MROH2A: variants seen among roughly 807,000 people sequenced by gnomAD.
The protein encoded by MROH2A is maestro heat-like repeat-containing protein family member 2A.
Under a neutral mutation model 200.4 loss-of-function variants are expected in MROH2A, and 174 were observed. That is an observed-to-expected ratio of 0.87 (90% CI 0.77 to 0.98). The LOEUF is 0.98. Among genes scored for constraint, MROH2A ranks in the 50% least tolerant of loss-of-function variants. The pLI is 0.00. For synonymous variants in MROH2A, 829 were observed against 840.4 expected, an observed-to-expected ratio of 0.99 and a Z score of 0.23; for missense variants, 2,045 against 2,139.6, an observed-to-expected ratio of 0.96 and a Z score of 0.87.
At chr2:233,789,339 G>A (rs1305231955) in intron 3 of MROH2A, among the ~76,000 whole-genome samples, 158 bp from the exon 4 acceptor site, 3 of 152,170 alleles carry the variant, frequency 2.0e-5, no homozygotes, top group Non-Finnish European at 4.4e-5. Flanking sequence ...CAGGAGAAGC[G>A]AAGCAGGAGG....
intron 23 of MROH2A, among the ~76,000 whole-genome samples, 184 bp from the exon 24 acceptor site, chr2:233,811,696 G>A (rs1703166507): frequency 6.6e-6 from 1 of 152,226 alleles, no homozygotes; most frequent in African/African-American, 2.4e-5. Flanking sequence ...GGCCCACTTT[G>A]GGCCCTGCTC....
At chr2:233,777,388 G>C (rs1312895555), upstream of MROH2A, among the ~76,000 whole-genome samples, 2 of 152,220 alleles carry the variant, frequency 1.3e-5, no homozygotes, top group East Asian at 1.9e-4. Context: ...GGAAAAGAAG[G>C]CTCAGTGGGG....
At chr2:233,803,357 C>A in intron 15 of MROH2A, 91 bp from the exon 16 acceptor site, 1 of 1,396,198 alleles carries the variant, frequency 7.2e-7, no homozygotes, top group South Asian at 1.3e-5. Flanking sequence ...GGGGAGGAAC[C>A]TTCTAGGGTA....
At chr2:233,823,709 A>T in intron 35 of MROH2A, 45 bp downstream of exon 35, 2 of 1,537,810 alleles carry the variant, frequency 1.3e-6, no homozygotes, top group Non-Finnish European at 1.8e-6. Context: ...AGCGGAGGGG[A>T]TGGGGTCCCT....
chr2:233,807,995 G>A lies in MROH2A; in HGVS notation c.2295+140G>A. 8.8e-7 allele frequency: 1 copy of A among 1,137,000 alleles called. No individual in the cohort carries two copies. The highest frequency in any genetic ancestry group is 1.2e-6 in the Non-Finnish European group (1 of 800,246). 70.4% of individuals were successfully genotyped at this position (1,137,000 alleles called of 1,614,324 possible). A position where few individuals can be genotyped will look rare whatever the true frequency, so the allele number is the denominator to read the frequency against. The stretch of plus-strand genomic sequence containing the variant: ...CTGTCATCAAAATGGCTGAGACATT[G>A]TCTTACTCTGAGACCTCCTGGACAG... On this transcript the variant is annotated intron_variant, in intron 21 of 41. Transcript: ENST00000389758. The surrounding 1 kb of genome is among the most constrained non-coding windows in gnomAD (Gnocchi z 4.3).
chr2:233,793,535 G>T (rs554267022), intron 6 of MROH2A, 138 bp from the exon 7 acceptor site: 3 of 695,968 alleles, frequency 4.3e-6, no homozygotes, highest in East Asian at 6.8e-5. Context: ...AGGTGCTGTG[G>T]GGGGTTGGAA....
Position 233,804,074 on chromosome 2 carries a change from G to T in MROH2A, c.1773G>T (p.Lys591Asn). ...RLLVLMSSPY[K>N]GEGRGIAMLN... ...AGGTGCTGATGTCATCACCTTACAA[G>T]GGGGAGGGTCGTGGGATAGCCATGC... Residue 591 changes from lysine to asparagine, a missense_variant, in exon 17 of 42, where the codon AAG becomes AAT. This residue lies in a region of MROH2A where 831 missense variants were observed against 800.0 expected (regional missense o/e 1.04). Coordinates refer to ENST00000389758, the MANE Select transcript of MROH2A (RefSeq NM_001394639.1). 6.4e-7 allele frequency: 1 copy of T among 1,550,538 alleles called. No homozygotes were observed. The highest frequency in any genetic ancestry group is 1.2e-5 in the South Asian group (1 of 84,068).
At chr2:233,784,557 C>G (rs1701100357) in intron 3 of MROH2A, among the ~76,000 whole-genome samples, 2 of 152,096 alleles carry the variant, frequency 1.3e-5, no homozygotes, top group South Asian at 4.1e-4. Flanking sequence ...GTGTTCGGGT[C>G]ATGGGGGAAG....
In MROH2A at chr2:233,793,829, G is replaced by A; in HGVS notation, c.822+5G>A. ...CTGAGGCACTACAACCCCGAGGTGA[G>A]ATGCACCCCTCTTAGGAGGGCCTGG... On this transcript the variant is annotated splice_donor_5th_base_variant and intron_variant, in intron 7 of 41. Coordinates refer to ENST00000389758, the MANE Select transcript of MROH2A (RefSeq NM_001394639.1). The A allele has an allele frequency of 1.4e-6, 2 of 1,403,538 alleles. No homozygotes were observed. Among genetic ancestry groups the A allele is most frequent in the Non-Finnish European group, 1.9e-6 (2 of 1,074,516 alleles). The allele number at this position is 1,403,538 out of a possible 1,614,324, so 86.9% of individuals were successfully genotyped here. A position where few individuals can be genotyped will look rare whatever the true frequency, so the allele number is the denominator to read the frequency against.
intron 15 of MROH2A, 170 bp downstream of exon 15, chr2:233,802,485 A>T: frequency 1.4e-6 from 1 of 723,018 alleles, no homozygotes; most frequent in Non-Finnish European, 2.2e-6. Flanking sequence ...TGCCTACCTG[A>T]TCATATCTAG....
At chr2:233,804,442 T>A in intron 17 of MROH2A, 53 bp from the exon 18 acceptor site, 1 of 1,538,844 alleles carries the variant, frequency 6.5e-7, no homozygotes, top group South Asian at 1.2e-5. Context: ...ATACCAGGCT[T>A]AGGGGAGCAG....
Position 233,829,790 on chromosome 2 carries a change from G to T in MROH2A, c.4602+15G>T. ...ATGCAGCCCAAGTAAGATACATCCTGGGCTTTGTGTCCCAGTCTGGGGCCC... is the reference window on the plus strand; with the variant it reads ...ATGCAGCCCAAGTAAGATACATCCTTGGCTTTGTGTCCCAGTCTGGGGCCC... On this transcript the variant is annotated intron_variant, in intron 38 of 41. Transcript: ENST00000389758. 1 of 1,314,464 alleles carries T rather than the reference G, an allele frequency of 7.6e-7. No individual in the cohort carries two copies. Among genetic ancestry groups the T allele is most frequent in the Non-Finnish European group, 9.8e-7 (1 of 1,023,458 alleles). 81.4% of individuals were successfully genotyped at this position (1,314,464 alleles called of 1,614,324 possible). A position where few individuals can be genotyped will look rare whatever the true frequency, so the allele number is the denominator to read the frequency against.
intron 27 of MROH2A, among the ~76,000 whole-genome samples, chr2:233,817,758 C>G (rs558939150): frequency 2.1e-4 from 32 of 152,342 alleles, no homozygotes; most frequent in Non-Finnish European, 3.5e-4. Flanking sequence ...CTGAGCAGAG[C>G]TGAGTCAGAG....
intron 3 of MROH2A, among the ~76,000 whole-genome samples, chr2:233,786,986 C>T (rs183496612): frequency 2.0e-4 from 30 of 152,172 alleles, no homozygotes; most frequent in African/African-American, 6.7e-4. Flanking sequence ...TATCAGTTTT[C>T]TAGGATTTAA....
At chr2:233,800,877 C>T (rs1167670144) in intron 14 of MROH2A, among the ~76,000 whole-genome samples, 1 of 151,948 alleles carries the variant, frequency 6.6e-6, no homozygotes. Context: ...ATGAGAACAT[C>T]AAGGAGGGAA....
chr2:233,798,645 C>T (rs956960189), intron 11 of MROH2A, 129 bp from the exon 12 acceptor site: 2 of 676,882 alleles, frequency 3.0e-6, no homozygotes. Flanking sequence ...GCCAGGGAGG[C>T]TCCTAAGAAA....
chr2:233,823,079 G>A (rs916447202), intron 34 of MROH2A, 61 bp downstream of exon 34: 107 of 1,524,450 alleles, frequency 7.0e-5, no homozygotes, highest in Non-Finnish European at 8.6e-5. Context: ...TTGCTGGATG[G>A]AAGGGCTCCT....
rs1352818586 is a variant in MROH2A at position 233,802,252 on chromosome 2, C to A, written c.1645C>A (p.Leu549Met). The change falls in exon 15 of 42, where the codon CTG becomes ATG. Residue 549 changes from leucine to methionine, a missense_variant. Around this residue, in one of 3 missense-constraint regions of MROH2A, gnomAD observed 831 missense variants for 800.0 expected, o/e 1.04. Coordinates refer to ENST00000389758, the MANE Select transcript of MROH2A (RefSeq NM_001394639.1). ...LTPICISLTN[L>M]AEHQLHGQDV... ...TCCTATCTGTATCAGCCTCACAAAC[C>A]TGGCAGAACACCAGCTCCATGGCCA... is the stretch of plus-strand genomic sequence containing the variant. 6.4e-7 allele frequency: 1 copy of A among 1,550,546 alleles called. No homozygotes were observed. Among genetic ancestry groups the A allele is most frequent in the Non-Finnish European group, 8.7e-7 (1 of 1,146,892 alleles).
At chr2:233,817,378 G>A (rs1246380437) in intron 27 of MROH2A, among the ~76,000 whole-genome samples, 2 of 152,164 alleles carry the variant, frequency 1.3e-5, no homozygotes, top group Non-Finnish European at 2.9e-5. Context: ...GTGGCAGGAG[G>A]ATGATGGAGT....
Sources: gnomAD v4.1 joint callset for allele counts (sites outside exome capture counted in the v4.1 genomes callset) on GRCh38, gnomAD v4.1.1 for gene constraint, gnomAD v4.1.1 regional missense constraint, Gnocchi (gnomAD v3.1) non-coding constraint, MANE v1.5 for transcripts, NCBI Gene and HGNC (gene_info 2026-07-23, HGNC 2026-07-21) for gene names.